Variants in PHACTR1 observed in about 807,000 individuals in gnomAD.
PHACTR1 encodes the protein phosphatase and actin regulator 1, also known as RPEL repeat containing 1.
A neutral mutation model predicts 69.2 loss-of-function variants in PHACTR1; 16 were observed. The observed-to-expected ratio is 0.23, with a 90% CI of 0.16 to 0.35. PHACTR1 has a LOEUF of 0.35. Among genes scored for constraint, PHACTR1 ranks in the 10% least tolerant of loss-of-function variants. The pLI is 1.00. For synonymous variants in PHACTR1, 312 were observed against 284.5 expected (o/e 1.10, Z -0.97); for missense variants, 510 against 734.7 (o/e 0.69, Z 3.54).
chr6:12,867,119 G>T (rs1298204330), intron 4 of PHACTR1, among the ~76,000 whole-genome samples: 1 of 152,106 alleles, frequency 6.6e-6, no homozygotes, highest in African/African-American at 2.4e-5. Context: ...GCGAAGGGGG[G>T]TTTGCAACAT....
intron 4 of PHACTR1, among the ~76,000 whole-genome samples, chr6:12,959,418 C>G (rs1287946558): frequency 6.6e-6 from 1 of 151,252 alleles, no homozygotes; most frequent in Non-Finnish European, 1.5e-5. Context: ...TTCTGATGCT[C>G]AACAAACAAA....
At position 12,805,577 on chromosome 6, in the gene PHACTR1, T is replaced by C. The variant is rs533815357; in HGVS notation, c.250+55787T>C. On this transcript the variant is annotated intron_variant, in intron 4 of 14. Transcript: ENST00000332995. ...CAACTTGAATGGCTTCTTTCTTTCT[T>C]TCTCTCTCTCTGTCTCTCTTTCTTT... is the stretch of plus-strand genomic sequence containing the variant. 2.9e-4 allele frequency among the ~76,000 whole-genome samples: 44 copies of C among 151,890 alleles called. No individual in the cohort carries two copies. The South Asian group carries it at 8.3e-3, about 29-fold the overall frequency.
At chr6:12,908,593 A>C (rs995246772) in intron 4 of PHACTR1, among the ~76,000 whole-genome samples, 1 of 152,054 alleles carries the variant, frequency 6.6e-6, no homozygotes, top group Non-Finnish European at 1.5e-5. Flanking sequence ...AAGGAGGTGA[A>C]GTGTGAGCTG....
At chr6:12,885,485 A>AGGCTTT (rs1228858059) in intron 4 of PHACTR1, among the ~76,000 whole-genome samples, 2 of 152,226 alleles carry the variant, frequency 1.3e-5, no homozygotes, top group Non-Finnish European at 1.5e-5. Flanking sequence ...AGGATGTTTG[A>AGGCTTT]GGCTTTGGCT....
intron 5 of PHACTR1, among the ~76,000 whole-genome samples, chr6:13,142,642 A>G (rs1419502139): frequency 2.6e-5 from 4 of 152,146 alleles, no homozygotes; most frequent in Admixed American, 6.5e-5. Flanking sequence ...TCCTGATACC[A>G]TTTGTTTAAA....
intron 4 of PHACTR1, among the ~76,000 whole-genome samples, chr6:12,929,816 G>C (rs74608618): frequency 6.6e-6 from 1 of 152,166 alleles, no homozygotes. Flanking sequence ...CTTCATTCAA[G>C]CGTGTCAGAA....
At chr6:13,255,527 C>A (rs888807738) in intron 10 of PHACTR1, among the ~76,000 whole-genome samples, 2 of 152,220 alleles carry the variant, frequency 1.3e-5, no homozygotes, top group Non-Finnish European at 2.9e-5. Context: ...AGGCTAGTCC[C>A]TTCTGCCTAT....
intron 5 of PHACTR1, among the ~76,000 whole-genome samples, chr6:13,106,528 G>A (rs1246782629): frequency 6.6e-6 from 1 of 152,034 alleles, no homozygotes; most frequent in Non-Finnish European, 1.5e-5. Flanking sequence ...ACCTGGGCTG[G>A]AGTGCAATGG....
At chr6:12,901,322 G>A (rs1785162546) in intron 4 of PHACTR1, among the ~76,000 whole-genome samples, 1 of 152,070 alleles carries the variant, frequency 6.6e-6, no homozygotes, top group African/African-American at 2.4e-5. Flanking sequence ...AGAAAGTAGA[G>A]GATACCTAAG....
intron 4 of PHACTR1, among the ~76,000 whole-genome samples, chr6:12,829,199 A>C (rs898337007): frequency 6.6e-6 from 1 of 152,072 alleles, no homozygotes; most frequent in African/African-American, 2.4e-5. Flanking sequence ...GGGAGTTATT[A>C]TCACAGCAAG....
At chr6:12,877,211 C>G (rs1305745960) in intron 4 of PHACTR1, among the ~76,000 whole-genome samples, 1 of 152,190 alleles carries the variant, frequency 6.6e-6, no homozygotes. Context: ...AGGTTCACAA[C>G]AAAGCAAAGC....
chr6:13,071,754 G>A (rs1403757927), intron 5 of PHACTR1, among the ~76,000 whole-genome samples: 1 of 152,102 alleles, frequency 6.6e-6, no homozygotes, highest in African/African-American at 2.4e-5. Context: ...GTTCCGTATT[G>A]CTGGGGTTTA....
intron 4 of PHACTR1, among the ~76,000 whole-genome samples, chr6:12,934,484 C>T (rs920324460): frequency 5.9e-5 from 9 of 152,138 alleles, no homozygotes; most frequent in Non-Finnish European, 1.0e-4. Context: ...ATCAGATCTG[C>T]ATCATCTCTC....
At chr6:13,196,817 G>T (rs191069724) in intron 7 of PHACTR1, among the ~76,000 whole-genome samples, 4 of 152,198 alleles carry the variant, frequency 2.6e-5, no homozygotes, top group Non-Finnish European at 5.9e-5. Context: ...GTGGTGTTTT[G>T]TTGCAAGCAT....
intron 4 of PHACTR1, among the ~76,000 whole-genome samples, chr6:12,936,121 A>C (rs779826983): frequency 6.6e-6 from 1 of 151,754 alleles, no homozygotes; most frequent in Non-Finnish European, 1.5e-5. Context: ...ATGAGTGTTG[A>C]TATAGCACCA....
At chr6:13,180,486 C>A (rs1478987065) in intron 6 of PHACTR1, among the ~76,000 whole-genome samples, 1 of 152,204 alleles carries the variant, frequency 6.6e-6, no homozygotes, top group African/African-American at 2.4e-5. Context: ...GCAGTTACAT[C>A]TCTTTTTTCT....
intron 5 of PHACTR1, among the ~76,000 whole-genome samples, chr6:13,115,172 C>T (rs761990924): frequency 1.4e-4 from 21 of 152,140 alleles, no homozygotes; most frequent in Non-Finnish European, 2.6e-4. Context: ...TTTCTCTTTC[C>T]GTCCTTATAG....
chr6:13,229,424 C>T (rs1244426010), intron 9 of PHACTR1, among the ~76,000 whole-genome samples: 1 of 152,162 alleles, frequency 6.6e-6, no homozygotes, highest in African/African-American at 2.4e-5. Context: ...CTCAGAAATG[C>T]TGGGGTTGAA....
At chr6:13,208,636 C>G (rs1028759108) in intron 8 of PHACTR1, among the ~76,000 whole-genome samples, 19 of 151,210 alleles carry the variant, frequency 1.3e-4, no homozygotes, top group South Asian at 6.3e-4. Context: ...TGCCCACCCC[C>G]CCAACCCCAT....
Sources: gnomAD v4.1 joint callset for allele counts (sites outside exome capture counted in the v4.1 genomes callset) on GRCh38, gnomAD v4.1.1 for gene constraint, MANE v1.5 for transcripts, NCBI Gene and HGNC (gene_info 2026-07-23, HGNC 2026-07-21) for gene names.